Variants in MAP1LC3C observed in about 807,000 individuals in gnomAD.
MAP1LC3C encodes microtubule-associated protein 1 light chain 3 gamma.
In MAP1LC3C, 12 loss-of-function variants were observed where a neutral mutation model predicts 10.4. That is an observed-to-expected ratio of 1.15 (90% CI 0.74 to 1.86). The LOEUF (loss-of-function observed/expected upper bound fraction) is 1.86. Ranked by LOEUF, MAP1LC3C falls within the 40% of genes most tolerant of loss-of-function variation. The pLI is 0.00. For missense variants in MAP1LC3C, 177 were observed against 185.7 expected, an observed-to-expected ratio of 0.95 and a Z score of 0.27; for synonymous variants, 70 against 69.0, an observed-to-expected ratio of 1.01 and a Z score of -0.07.
intron 3 of MAP1LC3C, among the ~76,000 whole-genome samples, chr1:241,998,288 C>T (rs974299162): frequency 2.6e-5 from 4 of 152,130 alleles, no homozygotes; most frequent in African/African-American, 9.7e-5. Flanking sequence ...TCCCAGAGTG[C>T]TGGGATTACA....
intron 3 of MAP1LC3C, among the ~76,000 whole-genome samples, chr1:241,996,767 A>AAAAAT (rs1665092422): frequency 6.6e-6 from 1 of 151,692 alleles, no homozygotes; most frequent in African/African-American, 2.4e-5. Context: ...CTAAAAATAC[A>AAAAAT]AAAATTAGCT....
intron 3 of MAP1LC3C, 55 bp from the exon 4 acceptor site, chr1:241,996,440 T>A: frequency 7.1e-7 from 1 of 1,407,050 alleles, no homozygotes; most frequent in Non-Finnish European, 1.0e-6. Context: ...CCCAGGGATC[T>A]GCAGCCTCAT....
At position 241,998,125 on chromosome 1, in the gene MAP1LC3C, C is replaced by T. The variant is rs1013565086; in HGVS notation, c.221+389G>A. Among the ~76,000 whole-genome samples, 27 of 145,972 alleles carry T rather than the reference C, an allele frequency of 1.8e-4. 1 individual carries two copies. Among genetic ancestry groups the T allele is most frequent in the Admixed American group, 7.1e-4 (10 of 14,106 alleles). On this transcript the variant is annotated intron_variant, in intron 3 of 3. Coordinates refer to ENST00000357246, the MANE Select transcript of MAP1LC3C (RefSeq NM_001004343.3). ...GTAACCTCCGCCTCCCAGGTTCAAG[C>T]GATTCTCCTGCCTCAGCCTCCCAAG... is the stretch of plus-strand genomic sequence containing the variant.
At chr1:241,997,550 C>CA (rs921559071) in intron 3 of MAP1LC3C, among the ~76,000 whole-genome samples, 7 of 152,162 alleles carry the variant, frequency 4.6e-5, no homozygotes, top group African/African-American at 4.8e-5. Context: ...CGTGTGTTCT[C>CA]AAAAAAACAG....
Position 241,996,168 on chromosome 1 carries a change from G to C in MAP1LC3C, c.439C>G (p.Leu147Val), listed in dbSNP as rs143833562. Residue 147 changes from leucine (L) to valine (V), a missense_variant, in exon 4 of 4, where the codon CTC becomes GTC. Physicochemically the swap from Leu to Val is conservative, Grantham distance 32. Transcript: ENST00000357246. ...CACATCCTTCCCGACATGGGCTAGA[G>C]AGGATTGCAGGGTCTGTCCTCAAGG... ...SSLEDRPCNP[L>V] The C allele has an allele frequency of 1.2e-6, 2 of 1,613,378 alleles. No individual in the cohort carries two copies.
In MAP1LC3C at chr1:241,996,286, G is replaced by A; in HGVS notation, c.321C>T (p.Asp107=). The change falls in exon 4 of 4, where the codon GAC becomes GAT. Residue 107 remains aspartate, a synonymous_variant. Coordinates refer to ENST00000357246, the MANE Select transcript of MAP1LC3C (RefSeq NM_001004343.3). ...ACACGAAGCCATCCTCATCCTTGTA[G>A]TCTCTGTAGATCTCTGCCATGGTTG... The part of the protein sequence containing the change: ...MSATMAEIYR[D]YKDEDGFVYM... The A allele has an allele frequency of 6.2e-7, 1 of 1,614,182 alleles. No homozygotes were observed. Among genetic ancestry groups the A allele is most frequent in the African/African-American group, 1.3e-5 (1 of 75,054 alleles).
chr1:241,997,737 G>C (rs1272175116), intron 3 of MAP1LC3C, among the ~76,000 whole-genome samples: 3 of 152,146 alleles, frequency 2.0e-5, no homozygotes, highest in African/African-American at 7.2e-5. Context: ...ACCAAGGGAG[G>C]AGTGTGTTTG....
intron 3 of MAP1LC3C, among the ~76,000 whole-genome samples, chr1:241,996,921 A>AAAAAAAAAAAAAAAG (rs1558178762): frequency 1.3e-5 from 2 of 150,590 alleles, no homozygotes; most frequent in Non-Finnish European, 3.0e-5. Flanking sequence ...AAAAAAAAAA[A>AAAAAAAAAAAAAAAG]AAAAGAAAAG....
At chr1:241,999,572 C>T (rs28534947), upstream of MAP1LC3C, among the ~76,000 whole-genome samples, 86,376 of 152,102 alleles carry the variant, frequency 0.57, 24,821 homozygotes, top group South Asian at 0.69. Flanking sequence ...CAGTGGCCCA[C>T]GCCTGTAATC....
At chr1:241,997,959 G>C (rs1665118231) in intron 3 of MAP1LC3C, among the ~76,000 whole-genome samples, 1 of 151,206 alleles carries the variant, frequency 6.6e-6, no homozygotes, top group Non-Finnish European at 1.5e-5. Context: ...AATGTTGGCA[G>C]GTCTTTTTTG....
chr1:241,996,246 A>G lies in MAP1LC3C; in HGVS notation c.361T>C (p.Ser121Pro), dbSNP rs376488053. The change falls in exon 4 of 4, where the codon TCC becomes CCC. Residue 121 changes from serine (S) to proline (P), a missense_variant. Physicochemically the swap from Ser to Pro is moderately conservative, Grantham distance 74. Coordinates refer to ENST00000357246, the MANE Select transcript of MAP1LC3C (RefSeq NM_001004343.3). ...TCCAGGCAGCCAAATGTCTCCTGGGAGGCGTAGGTCATGTACACGAAGCCA... is the reference window on the plus strand; with the variant it reads ...TCCAGGCAGCCAAATGTCTCCTGGGGGGCGTAGGTCATGTACACGAAGCCA... ...EDGFVYMTYA[S>P]QETFGCLESA... 1.9e-6 allele frequency: 3 copies of G among 1,614,114 alleles called. No individual in the cohort carries two copies. The East Asian group carries it at 6.7e-5, about 36-fold the overall frequency.
At chr1:242,001,259 G>T (rs1008073427), upstream of MAP1LC3C, among the ~76,000 whole-genome samples, 1 of 140,648 alleles carries the variant, frequency 7.1e-6, no homozygotes, top group Non-Finnish European at 1.6e-5. Context: ...CCTGGGCAAC[G>T]GAGCGAGACT....
intron 3 of MAP1LC3C, among the ~76,000 whole-genome samples, chr1:241,998,031 T>C (rs945175771): frequency 1.1e-3 from 154 of 146,116 alleles, no homozygotes; most frequent in African/African-American, 3.8e-3. Flanking sequence ...CTTTTTTTTT[T>C]TTTTTTTTTT....
Position 241,998,956 on chromosome 1 carries a change from C to A in MAP1LC3C, c.53G>T (p.Ser18Ile). The change falls in exon 1 of 4, where the codon AGC (serine) becomes ATC (isoleucine). Residue 18 changes from serine (S) to isoleucine (I), a missense_variant. Transcript: ENST00000357246. ...AGCTACCCCAAGAAATTTACCCAAG[C>A]TTTTCCTCTGCTTGAAGGGTCTGAC... ...PSVRPFKQRKSLAIRQEEVAG... is the reference protein window; with the variant it reads ...PSVRPFKQRKILAIRQEEVAG... The A allele has an allele frequency of 6.2e-7, 1 of 1,612,454 alleles. No homozygotes were observed. The highest frequency in any genetic ancestry group is 8.5e-7 in the Non-Finnish European group (1 of 1,179,670).
upstream of MAP1LC3C, among the ~76,000 whole-genome samples, chr1:242,000,519 G>A (rs552779883): frequency 3.9e-5 from 6 of 152,226 alleles, no homozygotes; most frequent in Admixed American, 2.6e-4. Flanking sequence ...GAGCCACTGC[G>A]CCCAGCCCCT....
intron 2 of MAP1LC3C, 68 bp downstream of exon 2, chr1:241,998,708 G>A (rs929537032): frequency 1.5e-5 from 24 of 1,610,258 alleles, no homozygotes; most frequent in Non-Finnish European, 2.0e-5. Flanking sequence ...GGCTGCTCTT[G>A]GTTTTTCAGA....
upstream of MAP1LC3C, among the ~76,000 whole-genome samples, chr1:241,999,390 G>A (rs1330919493): frequency 6.6e-6 from 1 of 151,484 alleles, no homozygotes; most frequent in Non-Finnish European, 1.5e-5. Context: ...AGCAAGGGGG[G>A]GTCCAAGCTG....
At chr1:242,001,224 C>G (rs1241758978), upstream of MAP1LC3C, among the ~76,000 whole-genome samples, 1 of 151,992 alleles carries the variant, frequency 6.6e-6, no homozygotes, top group East Asian at 1.9e-4. Flanking sequence ...TTGCAGTAAG[C>G]TGAGATTGTG....
chr1:241,999,042 A>C lies in MAP1LC3C; in HGVS notation c.-34T>G. On this transcript the variant is annotated 5_prime_UTR_variant, in exon 1 of 4. Transcript: ENST00000357246. ...GTAGCTGTGTCTGTTTTAAAAAAGA[A>C]AAAAAAACTGTCCCGCAACCGGGAA... is the stretch of plus-strand genomic sequence containing the variant. 1 of 1,576,950 alleles carries C rather than the reference A, an allele frequency of 6.3e-7. No homozygotes were observed. Among genetic ancestry groups the C allele is most frequent in the Non-Finnish European group, 8.5e-7 (1 of 1,170,466 alleles).
Sources: allele counts gnomAD v4.1 joint callset (sites outside exome capture counted in the v4.1 genomes callset), GRCh38; gene constraint gnomAD v4.1.1; transcripts MANE v1.5; gene names NCBI Gene and HGNC (gene_info 2026-07-23, HGNC 2026-07-21).